Variants in RSRC1 observed in about 807,000 individuals in gnomAD.
The protein encoded by RSRC1 is serine/Arginine-related protein 53.
RSRC1 carries 39 observed loss-of-function variants against 49.1 expected under a neutral mutation model. The observed-to-expected ratio is 0.79, with a 90% CI of 0.61 to 1.04. The LOEUF is 1.04. Ranked by LOEUF, RSRC1 falls within the 50% of genes least tolerant of loss-of-function variation. RSRC1 has a pLI of 0.00. For missense variants in RSRC1, 388 were observed against 402.4 expected, an observed-to-expected ratio of 0.96 and a Z score of 0.31; for synonymous variants, 143 against 130.8, an observed-to-expected ratio of 1.09 and a Z score of -0.63.
intron 3 of RSRC1, among the ~76,000 whole-genome samples, chr3:158,135,678 A>G (rs916662882): frequency 2.0e-4 from 30 of 152,038 alleles, no homozygotes; most frequent in African/African-American, 6.3e-4. Flanking sequence ...CAAATCTGAT[A>G]GGACCTCCTT....
At chr3:158,423,941 GA>G (rs1735243800) in intron 6 of RSRC1, among the ~76,000 whole-genome samples, 1 of 150,968 alleles carries the variant, frequency 6.6e-6, no homozygotes, top group South Asian at 2.1e-4. Context: ...AGACTTTGCT[GA>G]AGTTGCTTAT....
At chr3:158,158,350 A>G (rs1718005026) in intron 3 of RSRC1, among the ~76,000 whole-genome samples, 1 of 152,196 alleles carries the variant, frequency 6.6e-6, no homozygotes, top group Non-Finnish European at 1.5e-5. Flanking sequence ...GGACTTGAGT[A>G]TGTGCGGATT....
At chr3:158,312,650 A>G (rs1272288652) in intron 5 of RSRC1, among the ~76,000 whole-genome samples, 1 of 152,214 alleles carries the variant, frequency 6.6e-6, no homozygotes, top group Non-Finnish European at 1.5e-5. Flanking sequence ...TCAGTAAGAA[A>G]TTATCAGTGG....
At chr3:158,148,010 G>A (rs567377537) in intron 3 of RSRC1, among the ~76,000 whole-genome samples, 11 of 151,992 alleles carry the variant, frequency 7.2e-5, no homozygotes, top group African/African-American at 1.2e-4. Flanking sequence ...TTATCCCATC[G>A]TGAACTGTAC....
chr3:158,400,544 A>T (rs1184845733), intron 6 of RSRC1, among the ~76,000 whole-genome samples: 2 of 152,088 alleles, frequency 1.3e-5, no homozygotes, highest in Admixed American at 1.3e-4. Flanking sequence ...TTCCAGTGGG[A>T]CAAGATACAG....
In RSRC1 at chr3:158,267,904, T is replaced by C. The variant is rs571112270; in HGVS notation, c.495-30135T>C. The stretch of plus-strand genomic sequence containing the variant: ...GGCTTAAAAAACATTATAGCCACTC[T>C]GGATTCAGCTGTATTCTCCTGGGGA... On this transcript the variant is annotated intron_variant, in intron 4 of 9. Coordinates refer to ENST00000611884, the MANE Select transcript of RSRC1 (RefSeq NM_001271838.2). Among the ~76,000 whole-genome samples, 88 of 137,586 alleles carry C rather than the reference T, an allele frequency of 6.4e-4. 1 individual carries two copies. The highest frequency in any genetic ancestry group is 1.2e-3 in the Non-Finnish European group (78 of 65,576). The allele number at this position is 137,586 out of a possible 152,430, so 90.3% of individuals were successfully genotyped here.
chr3:158,334,679 G>GTGTGTC (rs1224026335), intron 5 of RSRC1, among the ~76,000 whole-genome samples: 5 of 144,922 alleles, frequency 3.5e-5, no homozygotes, highest in African/African-American at 1.2e-4. Context: ...GTGTGTGTGT[G>GTGTGTC]TGTGTGTATG....
chr3:158,376,680 G>C (rs1442286105), intron 6 of RSRC1, among the ~76,000 whole-genome samples: 1 of 152,148 alleles, frequency 6.6e-6, no homozygotes, highest in South Asian at 2.1e-4. Context: ...TCTACTTTGT[G>C]TGGTGTCAAG....
intron 6 of RSRC1, among the ~76,000 whole-genome samples, chr3:158,429,887 A>G (rs1488848930): frequency 2.0e-5 from 3 of 151,736 alleles, no homozygotes; most frequent in Non-Finnish European, 4.4e-5. Context: ...GGAGTGGGAA[A>G]TAGGAAATTG....
At chr3:158,256,288 C>T (rs957881668) in intron 4 of RSRC1, among the ~76,000 whole-genome samples, 5 of 152,036 alleles carry the variant, frequency 3.3e-5, no homozygotes, top group Admixed American at 2.0e-4. Context: ...TGAATTTTGT[C>T]GATGGCCTTT....
intron 5 of RSRC1, among the ~76,000 whole-genome samples, chr3:158,319,337 T>C (rs1728631394): frequency 6.6e-6 from 1 of 152,176 alleles, no homozygotes; most frequent in Non-Finnish European, 1.5e-5. Context: ...GTGCCTTGCT[T>C]TCCTTTCACC....
chr3:158,216,507 G>A (rs1358350365), intron 4 of RSRC1, among the ~76,000 whole-genome samples: 5 of 151,468 alleles, frequency 3.3e-5, no homozygotes, highest in African/African-American at 1.2e-4. Flanking sequence ...TGTAGTCTAT[G>A]ACTTTGATGT....
intron 4 of RSRC1, among the ~76,000 whole-genome samples, chr3:158,257,412 T>G (rs1724627983): frequency 6.6e-6 from 1 of 152,200 alleles, no homozygotes; most frequent in South Asian, 2.1e-4. Context: ...CCTCTTGTTT[T>G]AGGTTTTGTT....
At chr3:158,176,826 G>A (rs7628936) in intron 3 of RSRC1, among the ~76,000 whole-genome samples, 90,261 of 151,776 alleles carry the variant, frequency 0.59, 27,101 homozygotes, top group East Asian at 0.73. Flanking sequence ...GCTTCTGCAC[G>A]GCAAAAGAAA....
intron 5 of RSRC1, among the ~76,000 whole-genome samples, chr3:158,341,649 T>A (rs935562418): frequency 6.6e-6 from 1 of 152,116 alleles, no homozygotes; most frequent in African/African-American, 2.4e-5. Context: ...AGAATGGAAA[T>A]ATGGGGTCAG....
chr3:158,309,359 A>G (rs776101377), intron 5 of RSRC1, among the ~76,000 whole-genome samples: 11 of 151,874 alleles, frequency 7.2e-5, no homozygotes. Context: ...AGTTTTAAAC[A>G]TATTTTCAAG....
At chr3:158,354,163 G>A (rs1471479379) in intron 5 of RSRC1, among the ~76,000 whole-genome samples, 3 of 151,726 alleles carry the variant, frequency 2.0e-5, no homozygotes, top group Non-Finnish European at 2.9e-5. Flanking sequence ...GCTACTTTTT[G>A]TATTTTTAGT....
chr3:158,542,752 T>C (rs1387785061), intron 8 of RSRC1, among the ~76,000 whole-genome samples: 1 of 152,152 alleles, frequency 6.6e-6, no homozygotes, highest in East Asian at 1.9e-4. Context: ...CTGGTAATAA[T>C]TGCACAACTC....
At chr3:158,132,677 T>G (rs1437231868) in intron 3 of RSRC1, among the ~76,000 whole-genome samples, 1 of 152,238 alleles carries the variant, frequency 6.6e-6, no homozygotes, top group Non-Finnish European at 1.5e-5. Flanking sequence ...TCACAATTAA[T>G]TTTATACTGG....
Sources: gnomAD v4.1 joint callset for allele counts (sites outside exome capture counted in the v4.1 genomes callset) on GRCh38, gnomAD v4.1.1 for gene constraint, MANE v1.5 for transcripts, NCBI Gene and HGNC (gene_info 2026-07-23, HGNC 2026-07-21) for gene names.